TM4SF18: variants seen among roughly 807,000 people sequenced by gnomAD.
TM4SF18 encodes the protein transmembrane 4 L6 family member 18.
Under a neutral mutation model 23.8 loss-of-function variants are expected in TM4SF18, and 22 were observed. The observed-to-expected ratio is 0.92, with a 90% CI of 0.66 to 1.32. TM4SF18 has a LOEUF of 1.32. Among genes scored for constraint, TM4SF18 ranks in the 40% most tolerant of loss-of-function variants. TM4SF18 has a pLI of 0.00. For synonymous variants in TM4SF18, 87 were observed against 87.9 expected (o/e 0.99, Z 0.06); for missense variants, 255 against 240.3 (o/e 1.06, Z -0.41).
intron 2 of TM4SF18, among the ~76,000 whole-genome samples, chr3:149,332,900 C>T (rs1182759908): frequency 1.3e-5 from 2 of 152,094 alleles, no homozygotes; most frequent in Non-Finnish European, 2.9e-5. Flanking sequence ...CACTGAAGAT[C>T]AAATAGCTTA....
At chr3:149,325,363 G>A (rs1032221968) in intron 3 of TM4SF18, among the ~76,000 whole-genome samples, 5 of 152,108 alleles carry the variant, frequency 3.3e-5, no homozygotes, top group African/African-American at 1.2e-4. Flanking sequence ...TTGAAGACCT[G>A]TTATTTTCTA....
intron 2 of TM4SF18, among the ~76,000 whole-genome samples, chr3:149,332,581 C>T (rs183527803): frequency 8.5e-5 from 13 of 152,312 alleles, no homozygotes; most frequent in Non-Finnish European, 1.8e-4. Flanking sequence ...ACAGCTCATT[C>T]TTTAATAATC....
At position 149,330,795 on chromosome 3, in the gene TM4SF18, C is replaced by G. The variant is rs72992051; in HGVS notation, c.178-376G>C. Among the ~76,000 whole-genome samples the G allele has an allele frequency of 4.2e-3, 639 of 152,216 alleles. 5 individuals carry two copies. Among genetic ancestry groups the G allele is most frequent in the African/African-American group, 0.015 (626 of 41,552 alleles). On this transcript the variant is annotated intron_variant, in intron 2 of 5. Transcript: ENST00000296059. ...TCTCAATGACTCAGTTGTGGAGAAC[C>G]AAGGAAAATCATTCAGCAGGCTTGG...
rs1214998930 is a variant in TM4SF18, at chr3:149,322,283, C to G, written c.564G>C (p.Leu188=). 9.3e-6 allele frequency: 15 copies of G among 1,613,350 alleles called. No homozygotes were observed. The change falls in exon 5 of 6, where the codon CTG becomes CTC. Residue 188 remains leucine, a synonymous_variant. Coordinates refer to ENST00000296059, the MANE Select transcript of TM4SF18 (RefSeq NM_138786.4). ...IRVVMQLSKI[L]CGSYSVIFQP... ...GGAAGATCACTGAATAGCTTCCACA[C>G]AGTATCTTGGATAGTTGCATGACTA...
At chr3:149,332,740 G>C (rs993108746) in intron 2 of TM4SF18, among the ~76,000 whole-genome samples, 1 of 152,012 alleles carries the variant, frequency 6.6e-6, no homozygotes, top group Non-Finnish European at 1.5e-5. Context: ...CTTGCTGAAG[G>C]TCTCATGGAA....
intron 2 of TM4SF18, 89 bp downstream of exon 2, chr3:149,333,117 T>A: frequency 7.9e-7 from 1 of 1,261,010 alleles, no homozygotes; most frequent in Non-Finnish European, 1.1e-6. Flanking sequence ...GCAGAATGAT[T>A]TTTCCATTAT....
intron 3 of TM4SF18, chr3:149,329,914 G>A (rs907056405): frequency 1.3e-5 from 2 of 153,090 alleles, no homozygotes; most frequent in African/African-American, 4.8e-5. Context: ...TAATCTTTGG[G>A]GGTTGGCAGA....
chr3:149,327,062 G>A (rs955785034), intron 3 of TM4SF18, among the ~76,000 whole-genome samples: 7 of 152,114 alleles, frequency 4.6e-5, no homozygotes, highest in African/African-American at 1.4e-4. Context: ...CGATTCTCCT[G>A]CCTCAGCCTC....
chr3:149,325,895 A>G (rs558704463), intron 3 of TM4SF18, among the ~76,000 whole-genome samples: 5 of 152,276 alleles, frequency 3.3e-5, no homozygotes, highest in African/African-American at 2.4e-5. Flanking sequence ...CATATCCTTT[A>G]TCTAGAATCA....
chr3:149,325,613 AAG>A (rs1205880808), intron 3 of TM4SF18, among the ~76,000 whole-genome samples: 3 of 152,170 alleles, frequency 2.0e-5, no homozygotes, highest in Non-Finnish European at 2.9e-5. Flanking sequence ...GGTTTAATCT[AAG>A]AGGGGTTTAT....
At position 149,330,377 on chromosome 3, in the gene TM4SF18, T is replaced by C. The variant is rs1354384920; in HGVS notation, c.220A>G (p.Asn74Asp). The C allele has an allele frequency of 5.6e-6, 9 of 1,612,024 alleles. No individual in the cohort carries two copies. Among genetic ancestry groups the C allele is most frequent in the Non-Finnish European group, 7.6e-6 (9 of 1,178,876 alleles). ...TTVLLVLENN[N>D]NYKCCQSENC... Reference sequence around the variant, plus strand: ...TCACTCTGGCAACATTTATAGTTGTTATTATTCTCCAGTACCAGAAGAACT... The same window carrying C: ...TCACTCTGGCAACATTTATAGTTGTCATTATTCTCCAGTACCAGAAGAACT... Residue 74 changes from asparagine (N) to aspartate (D), a missense_variant, in exon 3 of 6, where the codon AAC (asparagine) becomes GAC (aspartate). Coordinates refer to ENST00000296059, the MANE Select transcript of TM4SF18 (RefSeq NM_138786.4).
chr3:149,324,753 G>T, intron 4 of TM4SF18, 127 bp downstream of exon 4: 1 of 1,207,024 alleles, frequency 8.3e-7, no homozygotes. Context: ...TAAACTAACA[G>T]GGAAATTCTG....
In TM4SF18 at chr3:149,320,683, T is replaced by C. The variant is rs975056448; in HGVS notation, c.*795A>G. 3.3e-5 allele frequency: 5 copies of C among 152,176 alleles called. No individual in the cohort carries two copies. Among genetic ancestry groups the C allele is most frequent in the African/African-American group, 1.2e-4 (5 of 41,446 alleles). 9.4% of individuals were successfully genotyped at this position (152,176 alleles called of 1,614,324 possible). A position where few individuals can be genotyped will look rare whatever the true frequency, so the allele number is the denominator to read the frequency against. On this transcript the variant is annotated 3_prime_UTR_variant, in exon 6 of 6. Coordinates refer to ENST00000296059, the MANE Select transcript of TM4SF18 (RefSeq NM_138786.4). ...GTCATTTCATGATGTTTGCAAATAATGTTGAGGAATGTGGAAAGAGCATAT... is the reference window on the plus strand; with the variant it reads ...GTCATTTCATGATGTTTGCAAATAACGTTGAGGAATGTGGAAAGAGCATAT...
rs1559989634 is a variant in TM4SF18, at chr3:149,322,336, G to A, written c.511C>T (p.Leu171Phe). The change falls in exon 5 of 6, where the codon CTT becomes TTT. Residue 171 changes from leucine to phenylalanine, a missense_variant. Leu to Phe is a conservative substitution (Grantham distance 22). Coordinates refer to ENST00000296059, the MANE Select transcript of TM4SF18 (RefSeq NM_138786.4). ...LFSILITLSG[L>F]QVIICLIRVV... Reference sequence around the variant, plus strand: ...CTGATGAGGCAGATGATCACTTGAAGCCCACTGAGGGTTATGAGAATGGAA... The same window carrying A: ...CTGATGAGGCAGATGATCACTTGAAACCCACTGAGGGTTATGAGAATGGAA... The A allele has an allele frequency of 6.2e-7, 1 of 1,614,006 alleles. No individual in the cohort carries two copies. The highest frequency in any genetic ancestry group is 8.5e-7 in the Non-Finnish European group (1 of 1,179,962).
rs911724977 is a variant in TM4SF18, at chr3:149,328,145, A to G, written c.267+2185T>C. On this transcript the variant is annotated intron_variant, in intron 3 of 5. Transcript: ENST00000296059. ...GGAGAGTGCCTTAGTTCCTGCTGCT[A>G]TAATAAAAATACCTTAGACTGAGTA... is the stretch of plus-strand genomic sequence containing the variant. Among the ~76,000 whole-genome samples, 9 of 152,324 alleles carry G rather than the reference A, an allele frequency of 5.9e-5. No individual in the cohort carries two copies. The East Asian group carries it at 1.5e-3, about 26-fold the overall frequency.
Position 149,319,643 on chromosome 3 carries a change from G to C in TM4SF18, c.*1835C>G, listed in dbSNP as rs1730761126. The stretch of plus-strand genomic sequence containing the variant: ...AATCCAAGAACAGAAACCAGGCCTA[G>C]GGTACACTGTTCATTGTGGGCAAAG... On this transcript the variant is annotated 3_prime_UTR_variant, in exon 6 of 6. Coordinates refer to ENST00000296059, the MANE Select transcript of TM4SF18 (RefSeq NM_138786.4). 6.6e-6 allele frequency: 1 copy of C among 152,242 alleles called. No homozygotes were observed. Among genetic ancestry groups the C allele is most frequent in the South Asian group, 2.1e-4 (1 of 4,834 alleles). The allele number at this position is 152,242 out of a possible 1,614,324, so 9.4% of individuals were successfully genotyped here. A position where few individuals can be genotyped will look rare whatever the true frequency, so the allele number is the denominator to read the frequency against.
chr3:149,327,254 A>G (rs1049733952), intron 3 of TM4SF18, among the ~76,000 whole-genome samples: 8 of 152,158 alleles, frequency 5.3e-5, no homozygotes, highest in Non-Finnish European at 1.2e-4. Context: ...CCGGCCAGAA[A>G]CTATTTTTTA....
Position 149,321,509 on chromosome 3 carries a change from A to G in TM4SF18, c.592-17T>C, listed in dbSNP as rs767791869. The G allele has an allele frequency of 6.4e-7, 1 of 1,565,748 alleles. No homozygotes were observed. Among genetic ancestry groups the G allele is most frequent in the Non-Finnish European group, 8.7e-7 (1 of 1,148,504 alleles). On this transcript the variant is annotated splice_polypyrimidine_tract_variant and intron_variant, in intron 5 of 5. Transcript: ENST00000296059. Reference sequence around the variant, plus strand: ...GATTCCAGGCTATAGGAAAAAAGGAAAAACAAAGTGATTAAAGTTATAAAC... The same window carrying G: ...GATTCCAGGCTATAGGAAAAAAGGAGAAACAAAGTGATTAAAGTTATAAAC...
intron 2 of TM4SF18, among the ~76,000 whole-genome samples, chr3:149,331,405 A>G (rs1170383416): frequency 6.6e-6 from 1 of 152,216 alleles, no homozygotes; most frequent in Non-Finnish European, 1.5e-5. Context: ...TACATGGAAT[A>G]TAAGCAAAAG....
Sources: allele counts gnomAD v4.1 joint callset (sites outside exome capture counted in the v4.1 genomes callset), GRCh38; gene constraint gnomAD v4.1.1; transcripts MANE v1.5; gene names NCBI Gene and HGNC (gene_info 2026-07-23, HGNC 2026-07-21).